Variants in PM20D2 observed in about 807,000 individuals in gnomAD.
PM20D2 encodes the protein peptidase M20 domain containing 2, also known as xaa-Arg dipeptidase.
Under a neutral mutation model 42.9 loss-of-function variants are expected in PM20D2, and 33 were observed. That is an observed-to-expected ratio of 0.77 (90% confidence interval 0.58 to 1.03). PM20D2 has a LOEUF of 1.03. PM20D2 is among the 50% of genes least tolerant of loss of function. PM20D2 has a pLI of 0.00. For synonymous variants in PM20D2, 250 were observed against 228.2 expected (o/e 1.10, Z -0.86); for missense variants, 548 against 557.0 (o/e 0.98, Z 0.16).
chr6:89,119,925 G>A, the PM20D2 span, among the ~76,000 whole-genome samples: 1 of 150,546 alleles, frequency 6.6e-6, no homozygotes, highest in African/African-American at 2.4e-5. Flanking sequence ...GATTACAGGT[G>A]TGAGCCACTG....
the PM20D2 span, among the ~76,000 whole-genome samples, chr6:89,095,059 C>T: frequency 4.3e-4 from 66 of 152,186 alleles, no homozygotes; most frequent in Admixed American, 1.8e-3. Context: ...TTTGGCATTT[C>T]GCTTTACAGA....
chr6:89,097,097 T>TG, the PM20D2 span: 1 of 152,192 alleles, frequency 6.6e-6, no homozygotes, highest in Non-Finnish European at 1.5e-5. Context: ...TTCTTACATA[T>TG]GGGATCTAAT....
chr6:89,114,735 TG>T, the PM20D2 span, among the ~76,000 whole-genome samples: 1 of 152,248 alleles, frequency 6.6e-6, no homozygotes, highest in Non-Finnish European at 1.5e-5. Context: ...TTATTTGGCC[TG>T]CATGACGTTT....
chr6:89,096,028 G>A, the PM20D2 span: 3 of 152,106 alleles, frequency 2.0e-5, no homozygotes, highest in African/African-American at 7.2e-5. Flanking sequence ...ACAATTCTAT[G>A]ACAAAAGTGA....
chr6:89,105,285 T>C, the PM20D2 span: 2 of 1,590,778 alleles, frequency 1.3e-6, no homozygotes, highest in Non-Finnish European at 1.7e-6. Context: ...ACAAGACTTA[T>C]GACATAATTC....
chr6:89,104,153 A>ATTT, the PM20D2 span, among the ~76,000 whole-genome samples: 5 of 149,436 alleles, frequency 3.3e-5, no homozygotes, highest in Admixed American at 6.7e-5. Context: ...ACATTTAAAC[A>ATTT]TTTTTAAAGT....
chr6:89,101,473 G>A, the PM20D2 span, among the ~76,000 whole-genome samples: 1 of 152,094 alleles, frequency 6.6e-6, no homozygotes, highest in East Asian at 1.9e-4. Context: ...TGTCATCCCA[G>A]CACTTTGGGA....
In PM20D2 at chr6:89,159,448, T is replaced by C. The variant is rs79132223; in HGVS notation, c.1048+988T>C. Among the ~76,000 whole-genome samples the C allele has an allele frequency of 8.0e-3, 1,211 of 152,284 alleles. 15 individuals are homozygous for C. Among genetic ancestry groups the C allele is most frequent in the African/African-American group, 0.028 (1,156 of 41,550 alleles). On this transcript the variant is annotated intron_variant, in intron 5 of 6. Coordinates refer to ENST00000275072, the MANE Select transcript of PM20D2 (RefSeq NM_001010853.3). ...TCTAGTGTCCACTGGACTCTAGTAA[T>C]TAGAAATTCATGAATTGTCTGGAAG... is the stretch of plus-strand genomic sequence containing the variant.
intron 5 of PM20D2, among the ~76,000 whole-genome samples, chr6:89,159,951 A>G (rs1265678066): frequency 6.6e-6 from 1 of 152,232 alleles, no homozygotes; most frequent in Non-Finnish European, 1.5e-5. Flanking sequence ...TGGGTTTTAT[A>G]TAATGGACAA....
At chr6:89,122,453 A>T in the PM20D2 span, among the ~76,000 whole-genome samples, 1 of 152,192 alleles carries the variant, frequency 6.6e-6, no homozygotes, top group Admixed American at 6.5e-5. Context: ...AAGCAATCTG[A>T]TAGAGTATGT....
At chr6:89,155,563 T>C (rs1158015788) in intron 4 of PM20D2, among the ~76,000 whole-genome samples, 1 of 152,090 alleles carries the variant, frequency 6.6e-6, no homozygotes, top group African/African-American at 2.4e-5. Flanking sequence ...GTGCTGGGAT[T>C]ATAGGCATGA....
chr6:89,146,649 C>A, intron 1 of PM20D2, 40 bp downstream of exon 1: 1 of 1,362,136 alleles, frequency 7.3e-7, no homozygotes, highest in South Asian at 1.7e-5. Flanking sequence ...TCCGACTGCC[C>A]GGGTCGGGGG....
At position 89,164,883 on chromosome 6, in the gene PM20D2, C is replaced by G. The variant is rs2127784364; in HGVS notation, c.*2620C>G. 1 of 147,134 alleles carries G rather than the reference C, an allele frequency of 6.8e-6. No homozygotes were observed. Among genetic ancestry groups the G allele is most frequent in the South Asian group, 2.1e-4 (1 of 4,696 alleles). The allele number at this position is 147,134 out of a possible 1,614,324, so 9.1% of individuals were successfully genotyped here. A position where few individuals can be genotyped will look rare whatever the true frequency, so the allele number is the denominator to read the frequency against. On this transcript the variant is annotated 3_prime_UTR_variant, in exon 7 of 7. Coordinates refer to ENST00000275072, the MANE Select transcript of PM20D2 (RefSeq NM_001010853.3). ...TATTTTTCAATATAATTTGGAGACC[C>G]TTTGTTATCCAAATAAAATTGATGA...
the PM20D2 span, among the ~76,000 whole-genome samples, chr6:89,114,454 C>T: frequency 6.6e-6 from 1 of 152,028 alleles, no homozygotes; most frequent in Non-Finnish European, 1.5e-5. Context: ...ACAAAAAAAC[C>T]ACCATACATT....
the PM20D2 span, chr6:89,107,283 A>G: frequency 6.4e-7 from 1 of 1,560,158 alleles, no homozygotes; most frequent in South Asian, 1.1e-5. Flanking sequence ...AAATAAGGCA[A>G]AGAAATATGA....
At chr6:89,122,409 A>G in the PM20D2 span, among the ~76,000 whole-genome samples, 1 of 152,214 alleles carries the variant, frequency 6.6e-6, no homozygotes, top group East Asian at 1.9e-4. Context: ...CAGGTTTACA[A>G]TGTTGAGCAA....
chr6:89,118,093 G>GGGCGGC, the PM20D2 span: 98,387 of 155,652 alleles, frequency 0.63, 32,538 homozygotes, highest in East Asian at 0.77. Context: ...CCGGGGGCGG[G>GGGCGGC]GGCGGCGCCG....
At chr6:89,096,997 TAGAGAA>T in the PM20D2 span, 3 of 152,206 alleles carry the variant, frequency 2.0e-5, no homozygotes, top group Non-Finnish European at 2.9e-5. Context: ...TTGCTATGAT[TAGAGAA>T]AATCTATTCA....
the PM20D2 span, among the ~76,000 whole-genome samples, chr6:89,115,798 G>A: frequency 0.1 from 7,158 of 70,646 alleles, 214 homozygotes; most frequent in African/African-American, 0.19. Context: ...CACCACGCCC[G>A]TCTAATTTTT....
Sources: allele counts gnomAD v4.1 joint callset (sites outside exome capture counted in the v4.1 genomes callset), GRCh38; gene constraint gnomAD v4.1.1; transcripts MANE v1.5; gene names NCBI Gene and HGNC (gene_info 2026-07-23, HGNC 2026-07-21).